The following ZMYND11 variants were observed in gnomAD, a reference collection of about 807,000 sequenced individuals.
ZMYND11 encodes zinc finger MYND domain-containing protein 11.
A neutral mutation model predicts 84.9 loss-of-function variants in ZMYND11; 9 were observed. That is an observed-to-expected ratio of 0.11 (90% CI 0.06 to 0.18). ZMYND11 has a LOEUF of 0.18. Ranked by LOEUF, ZMYND11 falls within the 10% of genes least tolerant of loss-of-function variation. The pLI is 1.00. For missense variants in ZMYND11, 409 were observed against 761.0 expected (o/e 0.54, Z 5.44); for synonymous variants, 250 against 244.1 (o/e 1.02, Z -0.23).
intron 1 of ZMYND11, among the ~76,000 whole-genome samples, chr10:145,497 A>G (rs1838603634): frequency 6.6e-6 from 1 of 152,082 alleles, no homozygotes; most frequent in African/African-American, 2.4e-5. Flanking sequence ...AGGTTGTACT[A>G]ATTTACATTA....
At chr10:151,003 G>A (rs1449894528) in intron 1 of ZMYND11, among the ~76,000 whole-genome samples, 1 of 152,128 alleles carries the variant, frequency 6.6e-6, no homozygotes, top group Admixed American at 6.5e-5. Context: ...TGCAGCTGAG[G>A]GTCCTGACCG....
Position 222,243 on chromosome 10 carries a change from C to T in ZMYND11, c.438+887C>T, listed in dbSNP as rs184483496. On this transcript the variant is annotated intron_variant, in intron 4 of 14. Transcript: ENST00000381604. ...CATTTTTTCATAACTTTTTCCCTCT[C>T]TGGCATTAGTCGAAAATTTCCTGTT... Among the ~76,000 whole-genome samples, 5 of 152,248 alleles carry T rather than the reference C, an allele frequency of 3.3e-5. No homozygotes were observed. The East Asian group carries it at 9.6e-4, about 29-fold the overall frequency.
chr10:150,397 C>A (rs1479468059), intron 1 of ZMYND11, among the ~76,000 whole-genome samples: 1 of 152,170 alleles, frequency 6.6e-6, no homozygotes, highest in Non-Finnish European at 1.5e-5. Flanking sequence ...AGTTTATTTG[C>A]GTAGAAGTGT....
chr10:135,450 C>G (rs1554751668), upstream of ZMYND11: 1 of 151,546 alleles, frequency 6.6e-6, no homozygotes, highest in African/African-American at 2.4e-5. The surrounding 1 kb of genome is among the most constrained non-coding windows in gnomAD (Gnocchi z 5.6). Flanking sequence ...CCGCCCCCCG[C>G]GCCCGTCGCC....
intron 1 of ZMYND11, among the ~76,000 whole-genome samples, chr10:141,323 A>G (rs1413930441): frequency 6.6e-6 from 1 of 152,172 alleles, no homozygotes; most frequent in Non-Finnish European, 1.5e-5. Context: ...CGAGGCGAGC[A>G]AGATGAGGGA....
At chr10:212,156 G>A (rs578038966) in intron 3 of ZMYND11, among the ~76,000 whole-genome samples, 1 of 152,074 alleles carries the variant, frequency 6.6e-6, no homozygotes, top group South Asian at 2.1e-4. Flanking sequence ...TTTCCTATAT[G>A]CTTTCTTCCT....
intron 14 of ZMYND11, among the ~76,000 whole-genome samples, chr10:250,443 T>G (rs1021927765): frequency 1.6e-4 from 25 of 152,102 alleles, no homozygotes; most frequent in African/African-American, 4.8e-4. Flanking sequence ...TGCAGAGAGG[T>G]GTCATTGCAC....
At chr10:140,521 G>C (rs1170128846) in intron 1 of ZMYND11, among the ~76,000 whole-genome samples, 1 of 152,122 alleles carries the variant, frequency 6.6e-6, no homozygotes, top group Non-Finnish European at 1.5e-5. Flanking sequence ...TCCATTATTA[G>C]GTCTTAGGAG....
intron 1 of ZMYND11, among the ~76,000 whole-genome samples, chr10:149,662 TATTAA>T (rs1423077655): frequency 1.1e-4 from 17 of 152,330 alleles, no homozygotes; most frequent in African/African-American, 3.8e-4. Flanking sequence ...AATATTTGCA[TATTAA>T]ATTGTGGGTA....
At chr10:247,620 A>G (rs2131943587) in intron 12 of ZMYND11, among the ~76,000 whole-genome samples, 154 bp downstream of exon 12, 1 of 152,342 alleles carries the variant, frequency 6.6e-6, no homozygotes, top group South Asian at 2.1e-4. Flanking sequence ...ATCAAGTTGA[A>G]ACCAGTCTTC....
intron 1 of ZMYND11, among the ~76,000 whole-genome samples, chr10:166,775 A>G (rs1341043893): frequency 6.6e-6 from 1 of 152,132 alleles, no homozygotes; most frequent in African/African-American, 2.4e-5. Context: ...GGCAGACCCA[A>G]GCAGATACTT....
intron 8 of ZMYND11, 101 bp from the exon 9 acceptor site, chr10:240,792 C>CTATT: frequency 1.1e-6 from 1 of 904,626 alleles, no homozygotes; most frequent in South Asian, 1.7e-5. Context: ...AAATTCAACA[C>CTATT]TATTTATATA....
At chr10:207,427 A>G (rs559097815) in intron 2 of ZMYND11, among the ~76,000 whole-genome samples, 484 of 152,302 alleles carry the variant, frequency 3.2e-3, no homozygotes, top group Middle Eastern at 0.031. Flanking sequence ...GTCTTCCACA[A>G]TGGTTGAACT....
At chr10:159,957 T>G (rs1842604815) in intron 1 of ZMYND11, among the ~76,000 whole-genome samples, 1 of 152,212 alleles carries the variant, frequency 6.6e-6, no homozygotes, top group Non-Finnish European at 1.5e-5. Flanking sequence ...TTTTTTCCAG[T>G]TCTGATTCCT....
chr10:232,944 C>T (rs1391658272), intron 4 of ZMYND11, among the ~76,000 whole-genome samples: 1 of 152,196 alleles, frequency 6.6e-6, no homozygotes, highest in African/African-American at 2.4e-5. Context: ...CTCAGGTTAA[C>T]CTCAAGATCC....
chr10:248,670 C>CCTTT (rs1042556013), intron 13 of ZMYND11, 62 bp downstream of exon 13: 1 of 1,526,388 alleles, frequency 6.6e-7, no homozygotes, highest in African/African-American at 1.4e-5. Flanking sequence ...TGGTTAGGCT[C>CCTTT]CTTTCACTCA....
chr10:208,870 A>G (rs937151344), intron 2 of ZMYND11, among the ~76,000 whole-genome samples: 1 of 152,124 alleles, frequency 6.6e-6, no homozygotes, highest in Non-Finnish European at 1.5e-5. Flanking sequence ...CCTGACTTCT[A>G]GCGTGGAATG....
At chr10:238,363 CTTTTTTTTTTT>C (rs1355477285) in intron 6 of ZMYND11, among the ~76,000 whole-genome samples, 1 of 147,198 alleles carries the variant, frequency 6.8e-6, no homozygotes, top group Non-Finnish European at 1.5e-5. Flanking sequence ...AGTTTCTTTT[CTTTTTTTTTTT>C]GAGACGGAGT....
At chr10:186,879 T>A (rs1938706322) in intron 2 of ZMYND11, among the ~76,000 whole-genome samples, 1 of 152,094 alleles carries the variant, frequency 6.6e-6, no homozygotes, top group African/African-American at 2.4e-5. Flanking sequence ...GTTGTCACAA[T>A]ATCTCCCCAA....
Sources: gnomAD v4.1 joint callset for allele counts (sites outside exome capture counted in the v4.1 genomes callset) on GRCh38, gnomAD v4.1.1 for gene constraint, Gnocchi (gnomAD v3.1) non-coding constraint, MANE v1.5 for transcripts, NCBI Gene and HGNC (gene_info 2026-07-23, HGNC 2026-07-21) for gene names.